The following INSL6 variants were observed in gnomAD, a reference collection of about 807,000 sequenced individuals.
INSL6 encodes insulin like 6.
In INSL6, 16 loss-of-function variants were observed where a neutral mutation model predicts 9.4. The observed-to-expected ratio is 1.70, with a 90% CI of 1.15 to 2.59. INSL6 has a LOEUF of 2.59. Ranked by LOEUF, INSL6 falls within the 30% of genes most tolerant of loss-of-function variation. The probability of loss-of-function intolerance (pLI) is 0.00; values close to 1 mark genes in which losing one functional copy is unlikely to be tolerated. For missense variants in INSL6, 391 were observed against 257.3 expected, an observed-to-expected ratio of 1.52 and a Z score of -3.56; for synonymous variants, 154 against 96.9, an observed-to-expected ratio of 1.59 and a Z score of -3.46.
chr9:5,053,714 G>T, the INSL6 span, among the ~76,000 whole-genome samples: 1 of 151,902 alleles, frequency 6.6e-6, no homozygotes, highest in Admixed American at 6.6e-5. Context: ...GGAAATGTGG[G>T]ATTAAGAGAT....
the INSL6 span, among the ~76,000 whole-genome samples, chr9:5,106,253 T>G: frequency 6.6e-6 from 1 of 152,190 alleles, no homozygotes; most frequent in African/African-American, 2.4e-5. Flanking sequence ...GAACAGACAC[T>G]TCTCAAAAGA....
the INSL6 span, chr9:5,055,860 TA>T: frequency 1.5e-6 from 2 of 1,339,168 alleles, no homozygotes; most frequent in Middle Eastern, 2.1e-4. Flanking sequence ...AGAATCTTAG[TA>T]CCAAAATTAT....
the INSL6 span, chr9:5,095,121 CA>C: frequency 1.3e-5 from 2 of 152,132 alleles, no homozygotes; most frequent in Non-Finnish European, 2.9e-5. Context: ...CCTGAGACTC[CA>C]AAATTCTCCA....
At chr9:5,147,994 A>T (rs1040057866) in intron 2 of INSL6, among the ~76,000 whole-genome samples, 1 of 152,286 alleles carries the variant, frequency 6.6e-6, no homozygotes, top group East Asian at 1.9e-4. Flanking sequence ...CTCAATCTTG[A>T]TGAGCTTCCT....
the INSL6 span, among the ~76,000 whole-genome samples, chr9:5,118,796 T>C: frequency 2.6e-5 from 4 of 151,808 alleles, no homozygotes; most frequent in African/African-American, 9.7e-5. Flanking sequence ...TTAAAAATTA[T>C]CTGTTATTGG....
intron 2 of INSL6, among the ~76,000 whole-genome samples, chr9:5,148,669 T>C (rs1250159061): frequency 1.3e-5 from 2 of 152,082 alleles, no homozygotes; most frequent in Non-Finnish European, 2.9e-5. Context: ...TCCTTCCCAA[T>C]TCAAGTGTCC....
At chr9:5,050,680 T>C in the INSL6 span, 1 of 1,609,652 alleles carries the variant, frequency 6.2e-7, no homozygotes, top group Non-Finnish European at 8.5e-7. Context: ...AAATTTTTGG[T>C]TTTAGTGGCG....
At chr9:5,113,101 G>GC in the INSL6 span, among the ~76,000 whole-genome samples, 1 of 150,626 alleles carries the variant, frequency 6.6e-6, no homozygotes, top group Non-Finnish European at 1.5e-5. Flanking sequence ...CGCTCCCCCT[G>GC]CCCCCGTATC....
At chr9:5,060,920 C>G in the INSL6 span, among the ~76,000 whole-genome samples, 1 of 152,186 alleles carries the variant, frequency 6.6e-6, no homozygotes, top group Non-Finnish European at 1.5e-5. Context: ...GACCCATGGG[C>G]TACAGAATGG....
At chr9:5,184,882 T>C (rs1180280596) in intron 1 of INSL6, among the ~76,000 whole-genome samples, 1 of 152,218 alleles carries the variant, frequency 6.6e-6, no homozygotes, top group Non-Finnish European at 1.5e-5. Context: ...TTTTATCTTC[T>C]ACAAGGTTGG....
the INSL6 span, among the ~76,000 whole-genome samples, chr9:5,088,883 T>TATC: frequency 1.3e-5 from 2 of 152,230 alleles, no homozygotes; most frequent in African/African-American, 4.8e-5. Flanking sequence ...CACAAGGCCC[T>TATC]ATCTCCAAAT....
the INSL6 span, among the ~76,000 whole-genome samples, chr9:4,999,724 C>T: frequency 2.0e-5 from 3 of 152,210 alleles, 1 homozygote; most frequent in Non-Finnish European, 4.4e-5. Context: ...GCTAGGATTA[C>T]AGGCGTGAGC....
chr9:5,086,321 C>T, the INSL6 span, among the ~76,000 whole-genome samples: 36 of 152,268 alleles, frequency 2.4e-4, no homozygotes, highest in Non-Finnish European at 2.1e-4. Context: ...TCTTTATATC[C>T]TTTACCTTCT....
At chr9:5,177,740 C>T (rs1023758332) in intron 1 of INSL6, among the ~76,000 whole-genome samples, 2 of 152,204 alleles carry the variant, frequency 1.3e-5, no homozygotes, top group African/African-American at 2.4e-5. Context: ...GAGGGGCAGC[C>T]GCCATCTCTG....
chr9:5,114,491 C>A, the INSL6 span: 4 of 466,664 alleles, frequency 8.6e-6, no homozygotes, highest in South Asian at 3.7e-5. Context: ...CATGTGCTCC[C>A]CCACAGGTCT....
chr9:5,027,697 G>C, the INSL6 span, among the ~76,000 whole-genome samples: 1 of 152,162 alleles, frequency 6.6e-6, no homozygotes, highest in Non-Finnish European at 1.5e-5. Flanking sequence ...TGATTAAGTT[G>C]ATGTAGTATT....
chr9:4,998,338 C>T, the INSL6 span, among the ~76,000 whole-genome samples: 1 of 152,122 alleles, frequency 6.6e-6, no homozygotes, highest in South Asian at 2.1e-4. Context: ...CTCACTGCAA[C>T]TTCTGCCTCC....
At chr9:5,159,160 A>G (rs1471512830), downstream of INSL6, among the ~76,000 whole-genome samples, 1 of 152,186 alleles carries the variant, frequency 6.6e-6, no homozygotes, top group Non-Finnish European at 1.5e-5. Flanking sequence ...AAAATCAAAA[A>G]GCAAGAAATA....
chr9:5,060,418 C>G, the INSL6 span, among the ~76,000 whole-genome samples: 1 of 152,218 alleles, frequency 6.6e-6, no homozygotes, highest in African/African-American at 2.4e-5. Flanking sequence ...TCAGTCCTCT[C>G]AAACCCTGCC....
Sources: gnomAD v4.1 joint callset for allele counts (sites outside exome capture counted in the v4.1 genomes callset) on GRCh38, gnomAD v4.1.1 for gene constraint, MANE v1.5 for transcripts, NCBI Gene and HGNC (gene_info 2026-07-23, HGNC 2026-07-21) for gene names.